Variants in ZZZ3 observed in about 807,000 individuals in gnomAD.
ZZZ3 encodes the protein ZZ-type zinc finger-containing protein 3.
ZZZ3 carries 22 observed loss-of-function variants against 95.2 expected under a neutral mutation model. The observed-to-expected ratio is 0.23, with a 90% CI of 0.17 to 0.33. ZZZ3 has a LOEUF of 0.33. Among genes scored for constraint, ZZZ3 ranks in the 10% least tolerant of loss-of-function variants. The probability of loss-of-function intolerance (pLI) is 1.00; values close to 1 mark genes in which losing one functional copy is unlikely to be tolerated. For missense variants in ZZZ3, 885 were observed against 1,066.5 expected, an observed-to-expected ratio of 0.83 and a Z score of 2.37; for synonymous variants, 335 against 358.9, an observed-to-expected ratio of 0.93 and a Z score of 0.75.
chr1:77,669,850 TA>T (rs749211182), intron 1 of ZZZ3, among the ~76,000 whole-genome samples: 16 of 148,642 alleles, frequency 1.1e-4, no homozygotes, highest in South Asian at 2.1e-4. Context: ...CCAGCTGATT[TA>T]AAAAAAAAAG....
intron 12 of ZZZ3, among the ~76,000 whole-genome samples, chr1:77,569,452 C>T (rs1661152713): frequency 6.6e-6 from 1 of 152,218 alleles, no homozygotes; most frequent in Admixed American, 6.5e-5. Flanking sequence ...TCGGGACCAT[C>T]CCCCACCTCC....
At chr1:77,583,393 A>G (rs774454453) in intron 6 of ZZZ3, among the ~76,000 whole-genome samples, 12 of 152,202 alleles carry the variant, frequency 7.9e-5, no homozygotes, top group Non-Finnish European at 1.3e-4. Context: ...AAATTATTTA[A>G]TAACAGCAAT....
rs1374120190 is a variant in ZZZ3, at chr1:77,566,251, A to T, written c.2467-70T>A. The T allele has an allele frequency of 2.7e-6, 3 of 1,096,332 alleles. No homozygotes were observed. In the East Asian group the frequency reaches 7.8e-5, roughly 28 times the overall value. 67.9% of individuals were successfully genotyped at this position (1,096,332 alleles called of 1,614,324 possible). A position where few individuals can be genotyped will look rare whatever the true frequency, so the allele number is the denominator to read the frequency against. On this transcript the variant is annotated intron_variant, in intron 13 of 14. Transcript: ENST00000370801. ...ACGATCTTTTTTATTTTCCACAAGG[A>T]AACACATGATGTGCACACAGACATC...
chr1:77,608,806 G>A (rs1340127559), intron 5 of ZZZ3, among the ~76,000 whole-genome samples: 1 of 152,174 alleles, frequency 6.6e-6, no homozygotes, highest in Non-Finnish European at 1.5e-5. Context: ...TGCAGGCAGT[G>A]TGAAGTTGTT....
intron 5 of ZZZ3, among the ~76,000 whole-genome samples, chr1:77,589,632 G>GT (rs201035173): frequency 2.6e-3 from 393 of 151,024 alleles, no homozygotes; most frequent in South Asian, 0.013. Flanking sequence ...GTTTGGTTTG[G>GT]TTTTTTTTGT....
At chr1:77,670,081 C>A (rs1166188600) in intron 1 of ZZZ3, among the ~76,000 whole-genome samples, 1 of 148,918 alleles carries the variant, frequency 6.7e-6, no homozygotes, top group African/African-American at 2.4e-5. Flanking sequence ...GACCCCCCCC[C>A]CCCATATTAC....
At chr1:77,642,975 G>A (rs1176754171) in intron 1 of ZZZ3, among the ~76,000 whole-genome samples, 1 of 152,088 alleles carries the variant, frequency 6.6e-6, no homozygotes, top group Non-Finnish European at 1.5e-5. Context: ...ACTTTGGGAT[G>A]CCAAGGCAGA....
At chr1:77,621,546 T>C (rs182168255) in intron 5 of ZZZ3, among the ~76,000 whole-genome samples, 1,847 of 147,916 alleles carry the variant, frequency 0.012, 40 homozygotes, top group South Asian at 0.11. Flanking sequence ...CCAGGCATGG[T>C]GCCTCACACC....
At chr1:77,648,832 A>T (rs1391228122) in intron 1 of ZZZ3, among the ~76,000 whole-genome samples, 1 of 152,192 alleles carries the variant, frequency 6.6e-6, no homozygotes, top group Non-Finnish European at 1.5e-5. Flanking sequence ...GAATTCACAG[A>T]TCAAAGAAGC....
At chr1:77,683,078 C>G (rs1275583763), upstream of ZZZ3, among the ~76,000 whole-genome samples, 2 of 94,838 alleles carry the variant, frequency 2.1e-5, no homozygotes, top group Non-Finnish European at 4.1e-5. Context: ...ACCCCCGCCC[C>G]ACGTGGGGGC....
At chr1:77,633,663 A>C (rs1668032449) in intron 4 of ZZZ3, among the ~76,000 whole-genome samples, 1 of 152,190 alleles carries the variant, frequency 6.6e-6, no homozygotes, top group Non-Finnish European at 1.5e-5. Flanking sequence ...TAACTCACTT[A>C]AGTCTCACAA....
chr1:77,641,909 C>G (rs576840981), intron 1 of ZZZ3, among the ~76,000 whole-genome samples: 1 of 152,154 alleles, frequency 6.6e-6, no homozygotes, highest in African/African-American at 2.4e-5. Context: ...TAAACCCTTA[C>G]AAATTGAAGA....
chr1:77,679,881 G>T (rs1255019548), intron 1 of ZZZ3, among the ~76,000 whole-genome samples: 1 of 151,804 alleles, frequency 6.6e-6, no homozygotes, highest in Admixed American at 6.6e-5. Flanking sequence ...AAATAATTTC[G>T]TGTCTGTAAA....
At chr1:77,642,949 C>T (rs1668918927) in intron 1 of ZZZ3, among the ~76,000 whole-genome samples, 1 of 151,970 alleles carries the variant, frequency 6.6e-6, no homozygotes, top group Non-Finnish European at 1.5e-5. Context: ...ATAAGTAACA[C>T]CATAAAAAAA....
In ZZZ3 at chr1:77,680,916, A is replaced by G. The variant is rs1181908745; in HGVS notation, c.-403+1669T>C. On this transcript the variant is annotated intron_variant, in intron 1 of 14. Coordinates refer to ENST00000370801, the MANE Select transcript of ZZZ3 (RefSeq NM_015534.6). Reference sequence around the variant, plus strand: ...ACTTTCTTTCTGTGCAAAGCTACCAAGCACAATAAATCAACTTTACTGCAA... The same window carrying G: ...ACTTTCTTTCTGTGCAAAGCTACCAGGCACAATAAATCAACTTTACTGCAA... Among the ~76,000 whole-genome samples the G allele has an allele frequency of 2.0e-5, 3 of 152,236 alleles. No homozygotes were observed. The South Asian group carries it at 6.2e-4, about 32-fold the overall frequency.
chr1:77,570,395 G>C (rs1473531780), intron 12 of ZZZ3, among the ~76,000 whole-genome samples: 1 of 152,138 alleles, frequency 6.6e-6, no homozygotes, highest in African/African-American at 2.4e-5. Flanking sequence ...ACCACACCTG[G>C]CCTATCCTCA....
At position 77,576,068 on chromosome 1, in the gene ZZZ3, T is replaced by C. The variant is rs142262882; in HGVS notation, c.2331A>G (p.Ser777=). ...SHMNTAVEDA[S]DDESIPIMYR... Reference sequence around the variant, plus strand: ...TAACAACTTGATGTGTATAACTTACTGATGCATCTTCAACAGCAGTGTTCA... The same window carrying C: ...TAACAACTTGATGTGTATAACTTACCGATGCATCTTCAACAGCAGTGTTCA... Residue 777 remains serine, a splice_region_variant and synonymous_variant, in exon 12 of 15, where the codon TCA becomes TCG. Coordinates refer to ENST00000370801, the MANE Select transcript of ZZZ3 (RefSeq NM_015534.6). The C allele has an allele frequency of 3.9e-5, 62 of 1,603,440 alleles. No individual in the cohort carries two copies. The highest frequency in any genetic ancestry group is 3.8e-5 in the Non-Finnish European group (45 of 1,176,908).
rs758766305 is a variant in ZZZ3 at position 77,631,926 on chromosome 1, T to C, written c.1429A>G (p.Ile477Val). ...PSAKESASQH[I>V]TEEEDDDPDV... ...GGATCATCATCTTCCTCTTCTGTAA[T>C]GTGCTGACTGGCACTCTCTTTGGCA... Residue 477 changes from isoleucine to valine, a missense_variant, in exon 5 of 15, where the codon ATT (isoleucine) becomes GTT (valine). Physicochemically the swap from Ile to Val is conservative, Grantham distance 29. Around this residue, in one of 5 missense-constraint regions of ZZZ3, gnomAD observed 556 missense variants for 652.9 expected, o/e 0.85. Coordinates refer to ENST00000370801, the MANE Select transcript of ZZZ3 (RefSeq NM_015534.6). The C allele has an allele frequency of 4.2e-5, 67 of 1,613,940 alleles. 1 individual carries two copies. The highest frequency in any genetic ancestry group is 5.2e-5 in the Non-Finnish European group (61 of 1,179,954).
At chr1:77,574,832 A>T (rs1402708450) in intron 12 of ZZZ3, among the ~76,000 whole-genome samples, 1 of 152,238 alleles carries the variant, frequency 6.6e-6, no homozygotes, top group Non-Finnish European at 1.5e-5. Context: ...AATACAAAAA[A>T]TTTTTAAACC....
Sources: allele counts gnomAD v4.1 joint callset (sites outside exome capture counted in the v4.1 genomes callset), GRCh38; gene constraint gnomAD v4.1.1; regional missense constraint gnomAD v4.1.1; transcripts MANE v1.5; gene names NCBI Gene and HGNC (gene_info 2026-07-23, HGNC 2026-07-21).